ACBD6: variants seen among roughly 807,000 people sequenced by gnomAD.
The protein encoded by ACBD6 is acyl-CoA binding domain containing 6, also known as acyl-CoA-binding domain-containing protein 6.
A neutral mutation model predicts 37.2 loss-of-function variants in ACBD6; 28 were observed. That is an observed-to-expected ratio of 0.75 (90% CI 0.56 to 1.03). The LOEUF (loss-of-function observed/expected upper bound fraction) is 1.03, where lower values mean the gene tolerates loss of function less well. Ranked by LOEUF, ACBD6 falls within the 50% of genes least tolerant of loss-of-function variation. The pLI is 0.00. For missense variants in ACBD6, 340 were observed against 337.4 expected, an observed-to-expected ratio of 1.01 and a Z score of -0.06; for synonymous variants, 113 against 126.8, an observed-to-expected ratio of 0.89 and a Z score of 0.73.
At chr1:180,388,175 CAA>C (rs34156282) in intron 6 of ACBD6, among the ~76,000 whole-genome samples, 62 of 111,126 alleles carry the variant, frequency 5.6e-4, no homozygotes, top group Non-Finnish European at 6.1e-4. Context: ...GACTCCGTCT[CAA>C]AAAAAAAAAA....
At chr1:180,321,641 C>A (rs982576792) in intron 6 of ACBD6, among the ~76,000 whole-genome samples, 4 of 151,972 alleles carry the variant, frequency 2.6e-5, no homozygotes, top group Non-Finnish European at 4.4e-5. Context: ...GCACTTCAGC[C>A]TGGGTGACAG....
In ACBD6 at chr1:180,368,248, TTTAAG is replaced by T. The variant is rs543965002; in HGVS notation, c.663+29263_663+29267del. The stretch of plus-strand genomic sequence containing the variant: ...TTTTAATGGGGTTCTCTCTTGTAAA[TTTAAG>T]TTATTTACAGATGCTGGGTATTAGA... On this transcript the variant is annotated intron_variant, in intron 6 of 7. Transcript: ENST00000367595. Among the ~76,000 whole-genome samples the T allele has an allele frequency of 3.4e-3, 513 of 152,208 alleles. 1 individual carries two copies. The highest frequency in any genetic ancestry group is 0.01 in the Middle Eastern group (3 of 294).
chr1:180,411,410 T>C (rs1001199039), intron 5 of ACBD6, among the ~76,000 whole-genome samples: 3 of 152,170 alleles, frequency 2.0e-5, no homozygotes, highest in African/African-American at 7.2e-5. Flanking sequence ...TCAATCAATG[T>C]AGCTATCTTC....
intron 3 of ACBD6, among the ~76,000 whole-genome samples, chr1:180,459,809 A>G (rs1029903364): frequency 1.3e-5 from 2 of 152,144 alleles, no homozygotes; most frequent in African/African-American, 4.8e-5. Flanking sequence ...CTTAAATTTT[A>G]CAAAGGGAAA....
rs568416084 is a variant in ACBD6, at chr1:180,499,138, T to C, written c.222+2907A>G. 2.0e-5 allele frequency among the ~76,000 whole-genome samples: 3 copies of C among 152,340 alleles called. No individual in the cohort carries two copies. The East Asian group carries it at 5.8e-4, about 29-fold the overall frequency. ...AGGTTCATATTTCAGCTTATTTTTA[T>C]TATCTTCCTGCCAACAACCTCATCC... On this transcript the variant is annotated intron_variant, in intron 1 of 7. Transcript: ENST00000367595.
At chr1:180,429,537 T>C (rs1648728421) in intron 4 of ACBD6, among the ~76,000 whole-genome samples, 1 of 152,170 alleles carries the variant, frequency 6.6e-6, no homozygotes, top group Non-Finnish European at 1.5e-5. Flanking sequence ...GGCTACTGTA[T>C]AGAATGCTGC....
chr1:180,366,840 A>G (rs1360333615), intron 6 of ACBD6, among the ~76,000 whole-genome samples: 1 of 152,200 alleles, frequency 6.6e-6, no homozygotes, highest in Non-Finnish European at 1.5e-5. Context: ...CATAAAATGC[A>G]TCCGATAGCT....
chr1:180,282,512 C>A (rs533421769), intron 8 of ACBD6, among the ~76,000 whole-genome samples: 1 of 152,256 alleles, frequency 6.6e-6, no homozygotes, highest in South Asian at 2.1e-4. Context: ...ATATTTTAGT[C>A]ACCTGGGACT....
At chr1:180,356,259 C>T (rs1324709178) in intron 6 of ACBD6, among the ~76,000 whole-genome samples, 1 of 152,036 alleles carries the variant, frequency 6.6e-6, no homozygotes, top group African/African-American at 2.4e-5. Context: ...CAGCCTTGAC[C>T]TCCCTGGACT....
At chr1:180,292,890 C>T (rs1040655882) in intron 7 of ACBD6, among the ~76,000 whole-genome samples, 1 of 151,500 alleles carries the variant, frequency 6.6e-6, no homozygotes, top group Non-Finnish European at 1.5e-5. Flanking sequence ...CTACTATTTC[C>T]TATTTCTATT....
At chr1:180,419,261 T>A (rs955773558) in intron 4 of ACBD6, among the ~76,000 whole-genome samples, 1 of 152,024 alleles carries the variant, frequency 6.6e-6, no homozygotes, top group Admixed American at 6.6e-5. Flanking sequence ...AAAAAAAAAA[T>A]ATATTGTTCT....
chr1:180,431,064 T>C (rs1234224788), intron 3 of ACBD6, among the ~76,000 whole-genome samples: 2 of 152,140 alleles, frequency 1.3e-5, no homozygotes, highest in African/African-American at 4.8e-5. Flanking sequence ...CATTATTATT[T>C]AATTTGACTG....
chr1:180,410,245 A>G (rs1647800101), intron 5 of ACBD6, among the ~76,000 whole-genome samples: 1 of 152,252 alleles, frequency 6.6e-6, no homozygotes, highest in African/African-American at 2.4e-5. Context: ...GTACAAGGTG[A>G]AGCACCAAGT....
rs945883422 is a variant in ACBD6 at position 180,347,962 on chromosome 1, A to G, written c.664-33240T>C. On this transcript the variant is annotated intron_variant, in intron 6 of 7. Coordinates refer to ENST00000367595, the MANE Select transcript of ACBD6 (RefSeq NM_032360.4). ...AGCGAGACCCCGTCTCAAAAAAAAAAAAGAGATTCTAAGCATTTCTAGATG... is the reference window on the plus strand; with the variant it reads ...AGCGAGACCCCGTCTCAAAAAAAAAGAAGAGATTCTAAGCATTTCTAGATG... Among the ~76,000 whole-genome samples, 111 of 152,124 alleles carry G rather than the reference A, an allele frequency of 7.3e-4. 2 individuals carry two copies. The highest frequency in any genetic ancestry group is 2.5e-4 in the Non-Finnish European group (17 of 68,016).
intron 6 of ACBD6, among the ~76,000 whole-genome samples, chr1:180,350,462 A>G (rs1482568420): frequency 6.6e-6 from 1 of 152,206 alleles, no homozygotes; most frequent in African/African-American, 2.4e-5. Context: ...TCAATTCAAC[A>G]TCAATAACCA....
At chr1:180,314,347 C>T (rs377569669) in intron 7 of ACBD6, among the ~76,000 whole-genome samples, 2 of 152,200 alleles carry the variant, frequency 1.3e-5, no homozygotes, top group Admixed American at 6.5e-5. Flanking sequence ...CAGATTCAAG[C>T]GATTCTCCTG....
chr1:180,463,975 C>T (rs1477962172), intron 3 of ACBD6, among the ~76,000 whole-genome samples: 1 of 152,146 alleles, frequency 6.6e-6, no homozygotes, highest in Non-Finnish European at 1.5e-5. Flanking sequence ...TCAATAGATG[C>T]AGAAAAGGAT....
intron 6 of ACBD6, among the ~76,000 whole-genome samples, chr1:180,368,684 G>A (rs1232960229): frequency 6.6e-6 from 1 of 151,008 alleles, no homozygotes; most frequent in Non-Finnish European, 1.5e-5. Flanking sequence ...CCTGAATGGT[G>A]GATAGTACCA....
At chr1:180,349,315 G>A (rs565639000) in intron 6 of ACBD6, among the ~76,000 whole-genome samples, 52 of 150,626 alleles carry the variant, frequency 3.5e-4, no homozygotes, top group Non-Finnish European at 5.9e-4. Flanking sequence ...GCTGGCTCGC[G>A]GGCGATCTCG....
Sources: allele counts gnomAD v4.1 joint callset (sites outside exome capture counted in the v4.1 genomes callset), GRCh38; gene constraint gnomAD v4.1.1; transcripts MANE v1.5; gene names NCBI Gene and HGNC (gene_info 2026-07-23, HGNC 2026-07-21).